RLF: variants seen among roughly 807,000 people sequenced by gnomAD.
RLF encodes the protein RLF zinc finger.
In RLF, 7 loss-of-function variants were observed where a neutral mutation model predicts 162.9. That is an observed-to-expected ratio of 0.04 (90% CI 0.02 to 0.08). The LOEUF is 0.08. RLF is among the 10% of genes least tolerant of loss of function. The probability of loss-of-function intolerance (pLI) is 1.00; values close to 1 mark genes in which losing one functional copy is unlikely to be tolerated. For synonymous variants in RLF, 782 were observed against 791.5 expected (o/e 0.99, Z 0.20); for missense variants, 1,664 against 2,244.7 (o/e 0.74, Z 5.23).
chr1:40,234,573 A>G (rs966511204), intron 7 of RLF, among the ~76,000 whole-genome samples: 1 of 152,216 alleles, frequency 6.6e-6, no homozygotes, highest in East Asian at 1.9e-4. Context: ...TTATTATTTC[A>G]TCTTTATAAC....
chr1:40,213,679 G>A (rs1210457448), intron 5 of RLF, among the ~76,000 whole-genome samples: 2 of 152,140 alleles, frequency 1.3e-5, no homozygotes, highest in Non-Finnish European at 2.9e-5. Context: ...ATATGAATAA[G>A]CTTAAATCTA....
At position 40,161,420 on chromosome 1, in the gene RLF, C is replaced by G. The variant is rs758857439; in HGVS notation, c.21C>G (p.Asp7Glu). The change falls in exon 1 of 8, where the codon GAC becomes GAG. Residue 7 changes from aspartate to glutamate, a missense_variant. By Grantham distance (45) the Asp-to-Glu change is conservative. Around this residue, in one of 15 missense-constraint regions of RLF, gnomAD observed 134 missense variants for 124.3 expected, o/e 1.08. Transcript: ENST00000372771. This position sits in a 1 kb window ranked among gnomAD's most constrained non-coding sequence, Gnocchi z 4.4. ...GGAAGATGGCGGACGGAAAGGGAGA[C>G]GCCGCCGCTGTCGCCGGGGCTGGGG... MADGKG[D>E]AAAVAGAGAE... 23 of 1,546,468 alleles carry G rather than the reference C, an allele frequency of 1.5e-5. No homozygotes were observed. Among genetic ancestry groups the G allele is most frequent in the Middle Eastern group, 3.5e-4 (2 of 5,648 alleles).
At position 40,236,910 on chromosome 1, in the gene RLF, T is replaced by C. The variant is rs1643224424; in HGVS notation, c.2208T>C (p.His736=). Residue 736 remains histidine (H), a synonymous_variant, in exon 8 of 8, where the codon CAT becomes CAC. Transcript: ENST00000372771. The surrounding 1 kb of genome is among the most constrained non-coding windows in gnomAD (Gnocchi z 7.7). ...AFHLREHEQV[H]CGPQPYMCVS... ...ACCTTCGAGAGCACGAACAAGTGCA[T>C]TGTGGGCCTCAGCCTTATATGTGTG... 15 of 1,614,184 alleles carry C rather than the reference T, an allele frequency of 9.3e-6. No individual in the cohort carries two copies. The highest frequency in any genetic ancestry group is 1.3e-5 in the African/African-American group (1 of 75,050).
chr1:40,225,424 C>G (rs1643056308), intron 6 of RLF, among the ~76,000 whole-genome samples: 1 of 151,870 alleles, frequency 6.6e-6, no homozygotes, highest in Non-Finnish European at 1.5e-5. Context: ...ACTTAAAATA[C>G]AAAAATTAGC....
At chr1:40,184,762 A>T (rs2124532664) in intron 1 of RLF, among the ~76,000 whole-genome samples, 1 of 152,312 alleles carries the variant, frequency 6.6e-6, no homozygotes, top group Non-Finnish European at 1.5e-5. Context: ...CAAGGGCAGG[A>T]ATAGAGTCTC....
chr1:40,180,001 G>A (rs144131716), intron 1 of RLF, among the ~76,000 whole-genome samples: 1 of 152,148 alleles, frequency 6.6e-6, no homozygotes, highest in African/African-American at 2.4e-5. Flanking sequence ...TGAACACTTG[G>A]ATTTCTTCCT....
chr1:40,186,884 T>C (rs1320058286), intron 1 of RLF, among the ~76,000 whole-genome samples: 1 of 152,184 alleles, frequency 6.6e-6, no homozygotes, highest in Non-Finnish European at 1.5e-5. Flanking sequence ...AGACATAATG[T>C]CTGACTTTAA....
At position 40,238,548 on chromosome 1, in the gene RLF, A is replaced by G. The variant is rs202004213; in HGVS notation, c.3846A>G (p.Gln1282=). The G allele has an allele frequency of 5.9e-5, 96 of 1,613,874 alleles. No individual in the cohort carries two copies. The East Asian group carries it at 2.0e-3, about 34-fold the overall frequency. The change falls in exon 8 of 8, where the codon CAA becomes CAG. Residue 1282 remains glutamine, a synonymous_variant. Coordinates refer to ENST00000372771, the MANE Select transcript of RLF (RefSeq NM_012421.4). The surrounding 1 kb of genome is among the most constrained non-coding windows in gnomAD (Gnocchi z 5.2). ...CAATAGGCAGCCATAGAGAAGAACA[A>G]GAAGGAAGAGAGGGCAGAGGTAGCA... ...SSPIGSHREE[Q]EGREGRGSRR... is the part of the protein sequence containing the mutation.
At chr1:40,228,557 T>C (rs943893269) in intron 6 of RLF, among the ~76,000 whole-genome samples, 2 of 149,682 alleles carry the variant, frequency 1.3e-5, no homozygotes, top group Non-Finnish European at 3.0e-5. Flanking sequence ...CACTGCAGCC[T>C]GGGCGACAGC....
At chr1:40,180,624 A>G (rs1385230937) in intron 1 of RLF, among the ~76,000 whole-genome samples, 1 of 152,036 alleles carries the variant, frequency 6.6e-6, no homozygotes, top group Non-Finnish European at 1.5e-5. Flanking sequence ...TGTGGTTTTC[A>G]TTTGGATTTC....
Position 40,217,463 on chromosome 1 carries a change from C to G in RLF, c.811-5111C>G, listed in dbSNP as rs1642938964. Among the ~76,000 whole-genome samples, 3 of 151,516 alleles carry G rather than the reference C, an allele frequency of 2.0e-5. 1 individual carries two copies. The South Asian group carries it at 6.3e-4, about 32-fold the overall frequency. ...TCTAGCCTGGGCCACGGAGCAAGAC[C>G]CTGTCTCTTATAGTAAAAAACAAAT... On this transcript the variant is annotated intron_variant, in intron 5 of 7. Transcript: ENST00000372771.
intron 1 of RLF, among the ~76,000 whole-genome samples, chr1:40,175,870 C>T (rs138538174): frequency 2.9e-3 from 438 of 151,706 alleles, no homozygotes; most frequent in African/African-American, 0.01. Context: ...TTATATCCAT[C>T]ATCCCTAGAA....
At chr1:40,221,684 AG>A (rs1642997618) in intron 5 of RLF, among the ~76,000 whole-genome samples, 1 of 151,566 alleles carries the variant, frequency 6.6e-6, no homozygotes, top group Non-Finnish European at 1.5e-5. Flanking sequence ...GTGAATCACG[AG>A]GTCTGGAGAT....
chr1:40,235,996 C>T lies in RLF; in HGVS notation c.1294C>T (p.Leu432=). 1 of 1,613,170 alleles carries T rather than the reference C, an allele frequency of 6.2e-7. No individual in the cohort carries two copies. The highest frequency in any genetic ancestry group is 8.5e-7 in the Non-Finnish European group (1 of 1,179,748). Residue 432 remains leucine (L), a synonymous_variant, in exon 8 of 8, where the codon CTA becomes TTA. Transcript: ENST00000372771. ...SLDGFNMLEE[L]YLQPDQKFDE... is the part of the protein sequence containing the mutation. ...GGATGGATTTAATATGTTAGAAGAACTATATTTGCAACCAGATCAAAAATT... is the reference window on the plus strand; with the variant it reads ...GGATGGATTTAATATGTTAGAAGAATTATATTTGCAACCAGATCAAAAATT...
chr1:40,185,592 C>T (rs796574443), intron 1 of RLF, among the ~76,000 whole-genome samples: 34 of 117,174 alleles, frequency 2.9e-4, no homozygotes, highest in African/African-American at 1.0e-3. Context: ...GCGGGCAGGT[C>T]ACGAGGTCAG....
chr1:40,225,272 T>C (rs1479082547), intron 6 of RLF, among the ~76,000 whole-genome samples: 1 of 152,042 alleles, frequency 6.6e-6, no homozygotes, highest in East Asian at 1.9e-4. Context: ...AAGATAATAT[T>C]TGAAATGTAA....
At chr1:40,180,806 T>C (rs1167399586) in intron 1 of RLF, among the ~76,000 whole-genome samples, 2 of 152,218 alleles carry the variant, frequency 1.3e-5, no homozygotes, top group African/African-American at 4.8e-5. Context: ...TCAACAGATA[T>C]AAGATTTGCT....
chr1:40,189,674 C>T (rs1326416109), intron 2 of RLF, among the ~76,000 whole-genome samples: 1 of 152,100 alleles, frequency 6.6e-6, no homozygotes, highest in Non-Finnish European at 1.5e-5. Context: ...TGGCGCACGC[C>T]TGTAATCCCA....
intron 1 of RLF, among the ~76,000 whole-genome samples, chr1:40,164,699 GTC>G (rs1305634605): frequency 1.3e-5 from 2 of 151,982 alleles, no homozygotes; most frequent in Non-Finnish European, 2.9e-5. Flanking sequence ...TACAATTGGT[GTC>G]TCTATTTGTA....
Sources: allele counts gnomAD v4.1 joint callset (sites outside exome capture counted in the v4.1 genomes callset), GRCh38; gene constraint gnomAD v4.1.1; regional missense constraint gnomAD v4.1.1; non-coding constraint Gnocchi (gnomAD v3.1); transcripts MANE v1.5; gene names NCBI Gene and HGNC (gene_info 2026-07-23, HGNC 2026-07-21).